The following ZBBX variants were observed in gnomAD, a reference collection of about 807,000 sequenced individuals.
ZBBX encodes the protein zinc finger B-box domain-containing protein 1.
ZBBX carries 101 observed loss-of-function variants against 108.5 expected under a neutral mutation model. That is an observed-to-expected ratio of 0.93 (90% CI 0.79 to 1.10). The LOEUF (loss-of-function observed/expected upper bound fraction) is 1.10. Among genes scored for constraint, ZBBX ranks in the 50% least tolerant of loss-of-function variants. The pLI is 0.00. For synonymous variants in ZBBX, 356 were observed against 323.4 expected (o/e 1.10, Z -1.08); for missense variants, 1,009 against 941.4 (o/e 1.07, Z -0.94).
At chr3:167,193,519 G>A in the ZBBX span, among the ~76,000 whole-genome samples, 1 of 152,148 alleles carries the variant, frequency 6.6e-6, no homozygotes, top group Admixed American at 6.6e-5. Context: ...TATTGAGATT[G>A]AGACAGGAAC....
chr3:167,343,107 T>A (rs1466156611), intron 9 of ZBBX, among the ~76,000 whole-genome samples: 1 of 151,956 alleles, frequency 6.6e-6, no homozygotes, highest in African/African-American at 2.4e-5. Flanking sequence ...TAATACTGTA[T>A]CCTGACTGAT....
chr3:167,339,904 G>A (rs577129569), intron 9 of ZBBX, among the ~76,000 whole-genome samples: 1 of 152,156 alleles, frequency 6.6e-6, no homozygotes, highest in Admixed American at 6.6e-5. Flanking sequence ...CCACTTATGA[G>A]TGAGAGTTGA....
chr3:167,305,705 C>T lies in ZBBX; in HGVS notation c.1663G>A (p.Glu555Lys), dbSNP rs35864545. ...KLSQDIKESL[E>K]LSNLYKRPSF... Reference sequence around the variant, plus strand: ...GGCCTCTTATACAGATTGCTCAATTCCAAGGATTCTTTGATGTCTTGAGAT... The same window carrying T: ...GGCCTCTTATACAGATTGCTCAATTTCAAGGATTCTTTGATGTCTTGAGAT... Residue 555 changes from glutamate (E) to lysine (K), a missense_variant, in exon 17 of 22, where the codon GAA becomes AAA. Physicochemically the swap from Glu to Lys is moderately conservative, Grantham distance 56. Coordinates refer to ENST00000675490, the MANE Select transcript of ZBBX (RefSeq NM_001199201.2). 0.11 allele frequency: 171,636 copies of T among 1,609,832 alleles called. 10,168 individuals are homozygous for T. The highest frequency in any genetic ancestry group is 0.17 in the Middle Eastern group (880 of 5,202).
intron 9 of ZBBX, among the ~76,000 whole-genome samples, chr3:167,340,933 T>C (rs1014467671): frequency 2.6e-5 from 4 of 151,984 alleles, no homozygotes; most frequent in Non-Finnish European, 4.4e-5. Flanking sequence ...GTTCTGCTCA[T>C]CATATTTCTA....
chr3:167,248,550 A>G (rs1354828195), intron 20 of ZBBX: 1 of 443,396 alleles, frequency 2.3e-6, no homozygotes, highest in African/African-American at 2.0e-5. Context: ...TGATAACTGC[A>G]AATTCGACAG....
downstream of ZBBX, among the ~76,000 whole-genome samples, chr3:167,239,025 T>C (rs1720348391): frequency 1.3e-5 from 2 of 152,060 alleles, no homozygotes; most frequent in Admixed American, 1.3e-4. Flanking sequence ...TCAGTTGATC[T>C]ATCTATAGAA....
intron 20 of ZBBX, among the ~76,000 whole-genome samples, chr3:167,280,380 C>G (rs1728570323): frequency 6.6e-6 from 1 of 151,250 alleles, no homozygotes; most frequent in South Asian, 2.1e-4. Context: ...TATCCAGAAT[C>G]TACAATGAAC....
At chr3:167,271,067 C>T (rs1347444373) in intron 20 of ZBBX, among the ~76,000 whole-genome samples, 1 of 152,144 alleles carries the variant, frequency 6.6e-6, no homozygotes, top group South Asian at 2.1e-4. Context: ...AGGCAAATTG[C>T]CTAATAATTG....
rs1746375628 is a variant in ZBBX, at chr3:167,372,967, G to A, written c.-49-17C>T. 32 of 1,271,078 alleles carry A rather than the reference G, an allele frequency of 2.5e-5. No individual in the cohort carries two copies. The highest frequency in any genetic ancestry group is 3.2e-5 in the Non-Finnish European group (29 of 910,108). The allele number at this position is 1,271,078 out of a possible 1,614,324, so 78.7% of individuals were successfully genotyped here. On this transcript the variant is annotated splice_polypyrimidine_tract_variant and intron_variant, in intron 3 of 21. Coordinates refer to ENST00000675490, the MANE Select transcript of ZBBX (RefSeq NM_001199201.2). ...TAAACACTTCTGTAAAAGTAACAAA[G>A]ACAAAAGAATTATGGCAGAGGTGAA...
intron 1 of ZBBX, among the ~76,000 whole-genome samples, chr3:167,407,543 C>A (rs867452892): frequency 6.6e-6 from 1 of 151,816 alleles, no homozygotes; most frequent in African/African-American, 2.4e-5. Context: ...GAAGCATTAC[C>A]AATAACAAAA....
At chr3:167,379,549 G>A (rs188623462) in intron 2 of ZBBX, 89 bp downstream of exon 2, 15 of 152,238 alleles carry the variant, frequency 9.9e-5, no homozygotes, top group African/African-American at 3.6e-4. Flanking sequence ...ATCCTGTGTA[G>A]TTTCAACTTT....
At chr3:167,248,674 G>A (rs765086529) in intron 20 of ZBBX, 2 of 456,594 alleles carry the variant, frequency 4.4e-6, no homozygotes, top group South Asian at 3.1e-5. Context: ...AAGGTTTGAA[G>A]GATTCAAAGC....
At chr3:167,299,370 C>A (rs576019462) in intron 17 of ZBBX, among the ~76,000 whole-genome samples, 2 of 151,822 alleles carry the variant, frequency 1.3e-5, no homozygotes, top group Non-Finnish European at 2.9e-5. Flanking sequence ...AAAGACAAAT[C>A]GAAATCAAAA....
At chr3:167,242,435 A>G (rs1720842000) in intron 21 of ZBBX, 70 bp downstream of exon 21, 1 of 1,287,278 alleles carries the variant, frequency 7.8e-7, no homozygotes. Context: ...TATAATAAAG[A>G]TAACTAGTTG....
chr3:167,307,617 CAT>C (rs963905649), intron 16 of ZBBX, among the ~76,000 whole-genome samples: 1 of 152,032 alleles, frequency 6.6e-6, no homozygotes, highest in African/African-American at 2.4e-5. Context: ...AAAACAGACA[CAT>C]AGACCAGTGG....
the ZBBX span, among the ~76,000 whole-genome samples, chr3:167,219,468 C>A: frequency 6.6e-6 from 1 of 151,706 alleles, no homozygotes; most frequent in Non-Finnish European, 1.5e-5. Context: ...AAATCAATAA[C>A]AAGAGGAATT....
intron 4 of ZBBX, among the ~76,000 whole-genome samples, chr3:167,370,050 G>A (rs535259871): frequency 6.6e-6 from 1 of 152,154 alleles, no homozygotes; most frequent in East Asian, 1.9e-4. Flanking sequence ...GAACAATGAG[G>A]ATCATTAAAG....
intron 1 of ZBBX, among the ~76,000 whole-genome samples, chr3:167,398,824 T>G (rs1748330205): frequency 6.6e-6 from 1 of 151,990 alleles, no homozygotes; most frequent in South Asian, 2.1e-4. Flanking sequence ...GTGACAGTAT[T>G]GAGGGATGGG....
intron 11 of ZBBX, among the ~76,000 whole-genome samples, chr3:167,323,709 A>C (rs888871445): frequency 1.3e-5 from 2 of 152,094 alleles, no homozygotes; most frequent in Non-Finnish European, 2.9e-5. Flanking sequence ...AATTGATGGG[A>C]TCATGGGTGT....
Sources: gnomAD v4.1 joint callset for allele counts (sites outside exome capture counted in the v4.1 genomes callset) on GRCh38, gnomAD v4.1.1 for gene constraint, MANE v1.5 for transcripts, NCBI Gene and HGNC (gene_info 2026-07-23, HGNC 2026-07-21) for gene names.